Variants in ULK4 observed in about 807,000 individuals in gnomAD.
ULK4 encodes the protein unc-51 like kinase 4, also known as inactive serine/threonine-protein kinase ULK4.
ULK4 carries 133 observed loss-of-function variants against 160.6 expected under a neutral mutation model. That is an observed-to-expected ratio of 0.83 (90% CI 0.72 to 0.96). The LOEUF (loss-of-function observed/expected upper bound fraction) is 0.96. Ranked by LOEUF, ULK4 falls within the 40% of genes least tolerant of loss-of-function variation. The probability of loss-of-function intolerance (pLI) is 0.00; values close to 1 mark genes in which losing one functional copy is unlikely to be tolerated. For synonymous variants in ULK4, 534 were observed against 539.8 expected, an observed-to-expected ratio of 0.99 and a Z score of 0.15; for missense variants, 1,580 against 1,499.5, an observed-to-expected ratio of 1.05 and a Z score of -0.89.
chr3:41,953,253 T>C (rs868806086), intron 2 of ULK4, among the ~76,000 whole-genome samples: 1,523 of 134,828 alleles, frequency 0.011, 29 homozygotes, highest in African/African-American at 0.039. Flanking sequence ...TATATACACA[T>C]ACATATATAT....
chr3:41,831,531 A>ATATATATATATATATATTTTTTTTTTTT, intron 18 of ULK4, among the ~76,000 whole-genome samples: 44 of 138,072 alleles, frequency 3.2e-4, no homozygotes, highest in Non-Finnish European at 5.7e-4. Flanking sequence ...ATATATATAT[A>ATATATATATATATATATTTTTTTTTTTT]TTTTTTTTTC....
At chr3:41,838,005 T>C (rs1349106446) in intron 17 of ULK4, among the ~76,000 whole-genome samples, 1 of 152,166 alleles carries the variant, frequency 6.6e-6, no homozygotes, top group East Asian at 1.9e-4. Context: ...TTCACATCAG[T>C]CCTTGCAGCA....
intron 22 of ULK4, among the ~76,000 whole-genome samples, chr3:41,734,699 A>T (rs745966130): frequency 4.6e-5 from 7 of 152,244 alleles, no homozygotes; most frequent in Non-Finnish European, 1.0e-4. Flanking sequence ...AACTACAAAG[A>T]TAAACTCCAG....
intron 25 of ULK4, among the ~76,000 whole-genome samples, chr3:41,714,548 A>T (rs1575598439): frequency 6.6e-6 from 1 of 152,170 alleles, no homozygotes; most frequent in Non-Finnish European, 1.5e-5. Flanking sequence ...CATTTTATCA[A>T]CCATATATAC....
intron 16 of ULK4, among the ~76,000 whole-genome samples, chr3:41,888,835 C>T (rs557296436): frequency 1.9e-4 from 29 of 152,296 alleles, no homozygotes; most frequent in African/African-American, 6.7e-4. Context: ...TTGCAGAGGC[C>T]TCCAGCCTGC....
chr3:41,844,691 C>T (rs6780435), intron 17 of ULK4, among the ~76,000 whole-genome samples: 20,095 of 151,084 alleles, frequency 0.13, 4,336 homozygotes, highest in African/African-American at 0.45. Flanking sequence ...CAAGAGCGAG[C>T]GAGGGCTGTG....
intron 35 of ULK4, among the ~76,000 whole-genome samples, chr3:41,316,726 A>G (rs1437241766): frequency 1.3e-5 from 2 of 152,186 alleles, no homozygotes. Context: ...TACCCTCTGT[A>G]TCTAAAATCA....
At chr3:41,514,109 T>G (rs866078363) in intron 32 of ULK4, among the ~76,000 whole-genome samples, 2 of 152,352 alleles carry the variant, frequency 1.3e-5, no homozygotes, top group Middle Eastern at 3.4e-3. Flanking sequence ...AAAATTATTT[T>G]TAATGGATTG....
intron 2 of ULK4, among the ~76,000 whole-genome samples, chr3:41,939,691 G>A (rs1308852834): frequency 1.3e-5 from 2 of 152,138 alleles, no homozygotes; most frequent in African/African-American, 4.8e-5. Flanking sequence ...AGCCAGGGGG[G>A]TCCCCAACTC....
chr3:41,311,273 C>T (rs1020903344), intron 35 of ULK4, among the ~76,000 whole-genome samples: 1 of 152,154 alleles, frequency 6.6e-6, no homozygotes, highest in African/African-American at 2.4e-5. Flanking sequence ...GCCAAAGGAG[C>T]TTAACATTTG....
At chr3:41,654,340 C>G (rs1480835613) in intron 30 of ULK4, among the ~76,000 whole-genome samples, 1 of 152,142 alleles carries the variant, frequency 6.6e-6, no homozygotes, top group Non-Finnish European at 1.5e-5. Context: ...TAGTTAACAA[C>G]CATTAGCAGT....
chr3:41,833,664 A>C (rs1559592650), intron 18 of ULK4, among the ~76,000 whole-genome samples: 1 of 151,940 alleles, frequency 6.6e-6, no homozygotes, highest in African/African-American at 2.4e-5. Flanking sequence ...CTGCTTGTCT[A>C]CTGTTGATGT....
chr3:41,564,607 C>T (rs2700449), intron 32 of ULK4, among the ~76,000 whole-genome samples: 65,120 of 150,966 alleles, frequency 0.43, 15,170 homozygotes, highest in Middle Eastern at 0.55. Flanking sequence ...TACAGTCACC[C>T]GCCACCACAC....
intron 18 of ULK4, among the ~76,000 whole-genome samples, chr3:41,834,953 T>C (rs1027113830): frequency 5.3e-5 from 8 of 152,216 alleles, no homozygotes; most frequent in Non-Finnish European, 1.0e-4. Flanking sequence ...ATGTAAATAC[T>C]ACTTTTTGTG....
chr3:41,857,632 T>G (rs1323840316), intron 17 of ULK4, among the ~76,000 whole-genome samples: 2 of 152,316 alleles, frequency 1.3e-5, no homozygotes, highest in East Asian at 3.9e-4. Flanking sequence ...ATTATGACTT[T>G]GATCTCATTA....
intron 30 of ULK4, among the ~76,000 whole-genome samples, chr3:41,624,359 A>G (rs6808491): frequency 0.062 from 9,382 of 152,260 alleles, 983 homozygotes; most frequent in African/African-American, 0.22. Flanking sequence ...GACTTCTCCA[A>G]TGGTACCTGG....
chr3:41,460,161 C>T (rs985569467), intron 33 of ULK4, among the ~76,000 whole-genome samples: 11 of 152,120 alleles, frequency 7.2e-5, no homozygotes, highest in African/African-American at 2.7e-4. Flanking sequence ...ACTCAGTAGC[C>T]ACATTACAGT....
intron 32 of ULK4, among the ~76,000 whole-genome samples, chr3:41,506,767 A>AAAAAAAAAAAAAAAAATATATATAT: frequency 1.8e-4 from 10 of 56,794 alleles, no homozygotes; most frequent in South Asian, 6.5e-4. Flanking sequence ...TGTGATTTAA[A>AAAAAAAAAAAAAAAAATATATATAT]ATATATATAT....
intron 17 of ULK4, among the ~76,000 whole-genome samples, chr3:41,856,578 T>TATATATATACAC: frequency 1.2e-5 from 1 of 80,322 alleles, no homozygotes; most frequent in South Asian, 3.1e-4. Context: ...TATATATGTG[T>TATATATATACAC]ATATATATAC....
Sources: gnomAD v4.1 joint callset for allele counts (sites outside exome capture counted in the v4.1 genomes callset) on GRCh38, gnomAD v4.1.1 for gene constraint, MANE v1.5 for transcripts, NCBI Gene and HGNC (gene_info 2026-07-23, HGNC 2026-07-21) for gene names.